The following AUTS2 variants were observed in gnomAD, a reference collection of about 807,000 sequenced individuals.
AUTS2 encodes the protein autism susceptibility gene 2 protein.
Under a neutral mutation model 112.4 loss-of-function variants are expected in AUTS2, and 17 were observed. The ratio of observed to expected loss-of-function variants is 0.15; its 90% confidence interval spans 0.10 to 0.23. The LOEUF is 0.23. AUTS2 is among the 10% of genes least tolerant of loss of function. The pLI is 1.00. For synonymous variants in AUTS2, 751 were observed against 702.7 expected (o/e 1.07, Z -1.09); for missense variants, 1,510 against 1,701.6 (o/e 0.89, Z 1.98).
At chr7:70,585,698 G>C (rs1269062567) in intron 5 of AUTS2, among the ~76,000 whole-genome samples, 4 of 152,078 alleles carry the variant, frequency 2.6e-5, no homozygotes, top group Non-Finnish European at 5.9e-5. Context: ...AATTCTACGG[G>C]ATGATCACCC....
chr7:70,212,369 G>T (rs1810951616), intron 4 of AUTS2, among the ~76,000 whole-genome samples: 1 of 152,176 alleles, frequency 6.6e-6, no homozygotes, highest in African/African-American at 2.4e-5. Context: ...CCAGCTCATA[G>T]TTGGGACTCA....
chr7:70,068,817 T>G (rs780392449), intron 2 of AUTS2, among the ~76,000 whole-genome samples: 1 of 152,186 alleles, frequency 6.6e-6, no homozygotes, highest in Non-Finnish European at 1.5e-5. Flanking sequence ...CTCACACATG[T>G]CAGAAGGAAA....
chr7:70,584,600 G>A (rs1171768750), intron 5 of AUTS2, among the ~76,000 whole-genome samples: 1 of 152,224 alleles, frequency 6.6e-6, no homozygotes. Flanking sequence ...GGCATGCTGC[G>A]ACTTCAGCCA....
Position 69,899,398 on chromosome 7 carries a change from G to T in AUTS2, c.422G>T (p.Arg141Ile), listed in dbSNP as rs778124237. Residue 141 changes from arginine to isoleucine, a missense_variant, in exon 2 of 19, where the codon AGA (arginine) becomes ATA (isoleucine). By Grantham distance (97) the Arg-to-Ile change is moderately conservative. Transcript: ENST00000342771. ...NGLSFHSKKS[R>I]LSHPHHYSSD... ...TTGTCCTTTCATTCAAAGAAGAGCA[G>T]ACTCAGCCACCCACACCACTACAGC... The T allele has an allele frequency of 6.2e-7, 1 of 1,614,018 alleles. No individual in the cohort carries two copies. The highest frequency in any genetic ancestry group is 8.5e-7 in the Non-Finnish European group (1 of 1,179,912).
rs75013173 is a variant in AUTS2 at position 69,701,920 on chromosome 7, G to A, written c.309+101958G>A. 6.2e-3 allele frequency among the ~76,000 whole-genome samples: 942 copies of A among 152,268 alleles called. 13 individuals carry two copies. The highest frequency in any genetic ancestry group is 0.021 in the African/African-American group (856 of 41,550). On this transcript the variant is annotated intron_variant, in intron 1 of 18. Coordinates refer to ENST00000342771, the MANE Select transcript of AUTS2 (RefSeq NM_015570.4). ...TCTGGTCTCTTGAGTGAAATAACCC[G>A]TACTAGCAAGAAAGAGAAGAGTATG...
intron 5 of AUTS2, among the ~76,000 whole-genome samples, chr7:70,445,178 A>G (rs1425576859): frequency 2.0e-5 from 3 of 152,174 alleles, no homozygotes; most frequent in Non-Finnish European, 4.4e-5. Context: ...TCAAGGCTTT[A>G]TCTTCTCAAG....
Position 69,715,387 on chromosome 7 carries a change from A to G in AUTS2, c.309+115425A>G, listed in dbSNP as rs77621536. ...AGCTTTTCTTAACCAGAAGGCAATCAAGGACATACTTGAGGTCGGGAACAG... is the reference window on the plus strand; with the variant it reads ...AGCTTTTCTTAACCAGAAGGCAATCGAGGACATACTTGAGGTCGGGAACAG... On this transcript the variant is annotated intron_variant, in intron 1 of 18. Transcript: ENST00000342771. Among the ~76,000 whole-genome samples the G allele has an allele frequency of 8.1e-3, 1,226 of 152,294 alleles. 13 individuals carry two copies. The highest frequency in any genetic ancestry group is 0.052 in the East Asian group (272 of 5,184).
intron 5 of AUTS2, among the ~76,000 whole-genome samples, chr7:70,601,988 C>A (rs1266819484): frequency 1.3e-5 from 2 of 152,018 alleles, no homozygotes; most frequent in African/African-American, 4.8e-5. Flanking sequence ...GTCTCTGATT[C>A]CCTATTAGCA....
At chr7:70,318,338 G>A (rs1285860747) in intron 4 of AUTS2, among the ~76,000 whole-genome samples, 1 of 152,058 alleles carries the variant, frequency 6.6e-6, no homozygotes, top group Non-Finnish European at 1.5e-5. Context: ...TAGAGGAGGA[G>A]GAGATGAGCA....
At chr7:70,686,098 G>A (rs1808463399) in intron 5 of AUTS2, among the ~76,000 whole-genome samples, 1 of 152,198 alleles carries the variant, frequency 6.6e-6, no homozygotes, top group African/African-American at 2.4e-5. Context: ...TTACAGCAAG[G>A]CTGCCTTTGT....
At chr7:70,729,206 G>T in intron 6 of AUTS2, 1 of 456,516 alleles carries the variant, frequency 2.2e-6, no homozygotes, top group South Asian at 1.5e-5. Context: ...TGGAGCTCCC[G>T]TGCCGATGGT....
At position 70,763,109 on chromosome 7, in the gene AUTS2, A is replaced by G. The variant is rs140281219; in HGVS notation, c.982A>G (p.Thr328Ala). ...TCCGGACCCTGACTTGGTGCAGCGC[A>G]CAGAGGCCCCACCTCAACCCCCACC... ...PSPDPDLVQR[T>A]EAPPQPPPLS... Residue 328 changes from threonine (T) to alanine (A), a missense_variant, in exon 7 of 19, where the codon ACA becomes GCA. Physicochemically the swap from Thr to Ala is moderately conservative, Grantham distance 58. Around this residue, in one of 3 missense-constraint regions of AUTS2, gnomAD observed 535 missense variants for 594.3 expected, o/e 0.90. Coordinates refer to ENST00000342771, the MANE Select transcript of AUTS2 (RefSeq NM_015570.4). 8.1e-6 allele frequency: 13 copies of G among 1,614,064 alleles called. No homozygotes were observed. In the African/African-American group the frequency reaches 1.1e-4, roughly 13 times the overall value.
chr7:69,716,232 GTGTGTGTGTGTC>G (rs1407927624), intron 1 of AUTS2, among the ~76,000 whole-genome samples: 1 of 151,706 alleles, frequency 6.6e-6, no homozygotes, highest in Non-Finnish European at 1.5e-5. Flanking sequence ...GTGTGTGTTT[GTGTGTGTGTGTC>G]TGTGTGTGTG....
At chr7:70,087,897 A>G (rs1803694729) in intron 2 of AUTS2, among the ~76,000 whole-genome samples, 1 of 152,140 alleles carries the variant, frequency 6.6e-6, no homozygotes, top group African/African-American at 2.4e-5. Flanking sequence ...TTAATTGACA[A>G]AGGGCTTTTC....
chr7:69,802,126 G>A (rs1790113006), intron 1 of AUTS2, among the ~76,000 whole-genome samples: 1 of 152,178 alleles, frequency 6.6e-6, no homozygotes, highest in African/African-American at 2.4e-5. Flanking sequence ...TGGCCTGTTT[G>A]ATCAGAATCT....
At chr7:69,785,418 T>C (rs1789324928) in intron 1 of AUTS2, among the ~76,000 whole-genome samples, 1 of 152,270 alleles carries the variant, frequency 6.6e-6, no homozygotes, top group African/African-American at 2.4e-5. Context: ...AGGCTCCCTC[T>C]CACTCAAAGT....
chr7:70,757,239 G>T (rs1324495902), intron 6 of AUTS2, among the ~76,000 whole-genome samples: 3 of 152,198 alleles, frequency 2.0e-5, no homozygotes, highest in African/African-American at 7.2e-5. Flanking sequence ...TTGTTATTAT[G>T]AAGTGGATCC....
Position 70,574,605 on chromosome 7 carries a change from C to T in AUTS2, c.691-123964C>T, listed in dbSNP as rs772139170. On this transcript the variant is annotated intron_variant, in intron 5 of 18. Transcript: ENST00000342771. ...AAAATCAGTCAATCAGGAAAGAGTG[C>T]ATGCATGCTGGGTTTTAACTTTAAC... Among the ~76,000 whole-genome samples the T allele has an allele frequency of 2.6e-5, 4 of 152,010 alleles. No individual in the cohort carries two copies. In the East Asian group the frequency reaches 7.7e-4, roughly 29 times the overall value.
chr7:70,215,664 A>G (rs909852839), intron 4 of AUTS2, among the ~76,000 whole-genome samples: 9 of 152,168 alleles, frequency 5.9e-5, no homozygotes, highest in Non-Finnish European at 1.0e-4. Flanking sequence ...GACTGGACTT[A>G]TATCAGTTGA....
Sources: gnomAD v4.1 joint callset for allele counts (sites outside exome capture counted in the v4.1 genomes callset) on GRCh38, gnomAD v4.1.1 for gene constraint, gnomAD v4.1.1 regional missense constraint, MANE v1.5 for transcripts, NCBI Gene and HGNC (gene_info 2026-07-23, HGNC 2026-07-21) for gene names.